Variants in LMLN observed in about 807,000 individuals in gnomAD.
LMLN encodes the protein leishmanolysin-like peptidase.
In LMLN, 70 loss-of-function variants were observed where a neutral mutation model predicts 92.3. The observed-to-expected ratio is 0.76, with a 90% CI of 0.63 to 0.92. LMLN has a LOEUF of 0.92. LMLN is among the 40% of genes least tolerant of loss of function. LMLN has a pLI of 0.00. For synonymous variants in LMLN, 308 were observed against 296.2 expected (o/e 1.04, Z -0.41); for missense variants, 691 against 814.6 (o/e 0.85, Z 1.85).
At chr3:197,969,277 AT>A (rs201203303) in intron 1 of LMLN, among the ~76,000 whole-genome samples, 60 of 146,938 alleles carry the variant, frequency 4.1e-4, no homozygotes, top group African/African-American at 1.5e-3. Flanking sequence ...ATATATATAT[AT>A]TTTTTTTAGT....
At chr3:198,037,263 G>T (rs1170143460) in intron 15 of LMLN, among the ~76,000 whole-genome samples, 2 of 152,176 alleles carry the variant, frequency 1.3e-5, no homozygotes, top group Non-Finnish European at 2.9e-5. Flanking sequence ...ACCAGCAAAG[G>T]CCCTCCTTGC....
At chr3:197,966,132 T>C (rs1342014583) in intron 1 of LMLN, among the ~76,000 whole-genome samples, 1 of 152,206 alleles carries the variant, frequency 6.6e-6, no homozygotes, top group East Asian at 1.9e-4. Context: ...AACCTCTGCC[T>C]CCTGGGTTCA....
intron 14 of LMLN, among the ~76,000 whole-genome samples, chr3:198,026,030 C>T (rs1722923096): frequency 6.6e-6 from 1 of 151,974 alleles, no homozygotes; most frequent in Admixed American, 6.5e-5. Context: ...ATCACGCTCA[C>T]TGCAGCCACG....
chr3:198,014,862 T>C (rs1722576736), intron 11 of LMLN, among the ~76,000 whole-genome samples: 2 of 130,942 alleles, frequency 1.5e-5, no homozygotes, highest in Admixed American at 1.5e-4. Context: ...CTAGTCTGAC[T>C]TCTCTCCACC....
intron 11 of LMLN, among the ~76,000 whole-genome samples, chr3:198,008,361 A>C (rs78986642): frequency 0.013 from 2,002 of 152,300 alleles, 47 homozygotes; most frequent in African/African-American, 0.045. Flanking sequence ...AATTTATGAA[A>C]TACATAATAA....
intron 1 of LMLN, among the ~76,000 whole-genome samples, chr3:197,972,847 A>T (rs1250747014): frequency 6.6e-6 from 1 of 152,206 alleles, no homozygotes; most frequent in African/African-American, 2.4e-5. Flanking sequence ...TTTAGTGGTC[A>T]GTCAAATATT....
At position 197,960,231 on chromosome 3, in the gene LMLN, A is replaced by G. The variant is rs112408295; in HGVS notation, c.10A>G (p.Thr4Ala). The stretch of plus-strand genomic sequence containing the variant: ...AGGCGTCACGCACTCCATGGTAACG[A>G]CGCTCGGCCCGAAGATGGCGGCCGA... The change falls in exon 1 of 16, where the codon ACG becomes GCG. Residue 4 changes from threonine (T) to alanine (A), a missense_variant. By Grantham distance (58) the Thr-to-Ala change is moderately conservative. Around this residue, in one of 4 missense-constraint regions of LMLN, gnomAD observed 91 missense variants for 52.5 expected, o/e 1.73. Transcript: ENST00000330198. 5,972 of 1,608,066 alleles carry G rather than the reference A, an allele frequency of 3.7e-3. 195 individuals carry two copies. In the African/African-American group the frequency reaches 0.068, roughly 18 times the overall value.
intron 14 of LMLN, 91 bp downstream of exon 15, chr3:198,024,879 A>T: frequency 9.3e-7 from 1 of 1,070,724 alleles, no homozygotes; most frequent in Non-Finnish European, 1.3e-6. Flanking sequence ...TTCATATTTT[A>T]TGTCATTAAT....
At chr3:198,014,179 T>C (rs1393679731) in intron 11 of LMLN, among the ~76,000 whole-genome samples, 90 of 112,044 alleles carry the variant, frequency 8.0e-4, no homozygotes, top group African/African-American at 1.2e-3. Context: ...CTTCAGAGCC[T>C]CCTAACTAGT....
chr3:197,973,214 A>C lies in LMLN; in HGVS notation c.220-1163A>C, dbSNP rs1192262843. On this transcript the variant is annotated intron_variant, in intron 1 of 15. Coordinates refer to ENST00000330198, the Ensembl canonical transcript of LMLN. ...ATGTAATGGATTGCTAAAATGTACC[A>C]TATCCATTTGCTGTGCTCAGACATT... Among the ~76,000 whole-genome samples the C allele has an allele frequency of 7.3e-5, 11 of 150,640 alleles. No homozygotes were observed. The East Asian group carries it at 1.9e-3, about 27-fold the overall frequency.
At chr3:197,991,502 T>C (rs1283689161) in intron 9 of LMLN, among the ~76,000 whole-genome samples, 1 of 152,130 alleles carries the variant, frequency 6.6e-6, no homozygotes, top group African/African-American at 2.4e-5. Context: ...CTCAGGGGAT[T>C]GTTGCCCTTG....
At chr3:197,971,120 T>C (rs1721212131) in intron 1 of LMLN, among the ~76,000 whole-genome samples, 1 of 152,240 alleles carries the variant, frequency 6.6e-6, no homozygotes. Flanking sequence ...AGAAAGTCAA[T>C]GCCATTCGTA....
chr3:197,985,732 A>G, intron 7 of LMLN, 64 bp from the exon 8 acceptor site: 1 of 1,098,700 alleles, frequency 9.1e-7, no homozygotes, highest in Non-Finnish European at 1.4e-6. Flanking sequence ...CTCTCTTTTG[A>G]TCGCAGGCCT....
In LMLN at chr3:197,987,326, A is replaced by AT. The variant is rs527864566; in HGVS notation, c.929+1442dup. Among the ~76,000 whole-genome samples the AT allele has an allele frequency of 1.5e-4, 23 of 151,098 alleles. No homozygotes were observed. In the South Asian group the frequency reaches 3.8e-3, roughly 25 times the overall value. On this transcript the variant is annotated intron_variant, in intron 8 of 15. Transcript: ENST00000330198. ...AGGCGCCTGCCAACACGCCCGGCTG[A>AT]TTTTTTGTATTTTTAGTAGAGACAG...
chr3:198,030,666 AGGTCCCTCT>A (rs1477037283), intron 14 of LMLN, among the ~76,000 whole-genome samples: 2 of 152,160 alleles, frequency 1.3e-5, no homozygotes, highest in Admixed American at 6.5e-5. Context: ...ATCATCCTGG[AGGTCCCTCT>A]GGTCCCTCTG....
intron 9 of LMLN, among the ~76,000 whole-genome samples, chr3:197,991,111 C>CTTTT (rs56713833): frequency 6.5e-5 from 9 of 137,862 alleles, no homozygotes; most frequent in Middle Eastern, 3.6e-3. Context: ...TTCTTTCTTT[C>CTTTT]TTTTTTTTTT....
chr3:197,964,698 A>G (rs1318541086), intron 1 of LMLN, among the ~76,000 whole-genome samples: 1 of 151,100 alleles, frequency 6.6e-6, no homozygotes, highest in Non-Finnish European at 1.5e-5. Flanking sequence ...CGCCCGGCCT[A>G]AAAAAGTTTT....
At chr3:197,964,126 T>G (rs1720982161) in intron 1 of LMLN, among the ~76,000 whole-genome samples, 1 of 152,230 alleles carries the variant, frequency 6.6e-6, no homozygotes, top group Non-Finnish European at 1.5e-5. Flanking sequence ...GGATAAACCT[T>G]ACTTGGTCAT....
chr3:197,963,053 T>C (rs574576786), intron 1 of LMLN, among the ~76,000 whole-genome samples: 1 of 152,288 alleles, frequency 6.6e-6, no homozygotes, highest in East Asian at 1.9e-4. Context: ...ACTCTATAGA[T>C]GATTTGGAGA....
Sources: gnomAD v4.1 joint callset for allele counts (sites outside exome capture counted in the v4.1 genomes callset) on GRCh38, gnomAD v4.1.1 for gene constraint, gnomAD v4.1.1 regional missense constraint, MANE v1.5 for transcripts, NCBI Gene and HGNC (gene_info 2026-07-23, HGNC 2026-07-21) for gene names.